Variants in MALRD1 observed in about 807,000 individuals in gnomAD.
MALRD1 encodes MAM and LDL-receptor class A domain-containing protein 1.
Under a neutral mutation model 242.1 loss-of-function variants are expected in MALRD1, and 247 were observed. The observed-to-expected ratio is 1.02, with a 90% CI of 0.92 to 1.13. The LOEUF (loss-of-function observed/expected upper bound fraction) is 1.13. Among genes scored for constraint, MALRD1 ranks in the 50% most tolerant of loss-of-function variants. The probability of loss-of-function intolerance (pLI) is 0.00; values close to 1 mark genes in which losing one functional copy is unlikely to be tolerated. For synonymous variants in MALRD1, 995 were observed against 866.6 expected (o/e 1.15, Z -2.60); for missense variants, 2,989 against 2,533.1 (o/e 1.18, Z -3.86).
chr10:19,638,724 A>G (rs778985798), intron 36 of MALRD1, among the ~76,000 whole-genome samples: 16 of 152,164 alleles, frequency 1.1e-4, no homozygotes, highest in East Asian at 1.9e-4. Flanking sequence ...CATGTATTTT[A>G]GCCTTTGCCC....
intron 38 of MALRD1, among the ~76,000 whole-genome samples, chr10:19,729,744 T>A (rs1226316325): frequency 1.6e-4 from 21 of 127,808 alleles, no homozygotes; most frequent in Non-Finnish European, 2.8e-4. Flanking sequence ...TTTTTTTTTT[T>A]TTTTTTTTTT....
rs1839200822 is a variant in MALRD1, at chr10:19,617,264, G to A, written c.6137+1341G>A. 2.0e-5 allele frequency among the ~76,000 whole-genome samples: 3 copies of A among 151,914 alleles called. No individual in the cohort carries two copies. In the South Asian group the frequency reaches 6.2e-4, roughly 32 times the overall value. ...TGAAGTCTTAAACTTCTCTCAAATG[G>A]GAGAACTCTAAGGTGAGGGAGATGA... On this transcript the variant is annotated intron_variant, in intron 36 of 39. Transcript: ENST00000454679.
chr10:19,204,000 A>G (rs1836668263), intron 15 of MALRD1, 120 bp downstream of exon 15: 1 of 1,200,188 alleles, frequency 8.3e-7, no homozygotes, highest in Non-Finnish European at 1.2e-6. Context: ...ATAGTTGAAT[A>G]TTGTCAATTA....
intron 24 of MALRD1, among the ~76,000 whole-genome samples, chr10:19,343,590 C>T (rs1032177060): frequency 3.9e-5 from 6 of 152,126 alleles, no homozygotes; most frequent in African/African-American, 1.4e-4. Flanking sequence ...TGGAACTCTA[C>T]AGGATGTGAC....
chr10:19,191,752 C>G (rs978754543), intron 14 of MALRD1, among the ~76,000 whole-genome samples: 1 of 152,098 alleles, frequency 6.6e-6, no homozygotes, highest in Admixed American at 6.6e-5. Flanking sequence ...AATCCTAGCA[C>G]TTTGGGAGGC....
At chr10:19,356,823 A>G (rs1460615801) in intron 26 of MALRD1, among the ~76,000 whole-genome samples, 1 of 152,066 alleles carries the variant, frequency 6.6e-6, no homozygotes, top group Non-Finnish European at 1.5e-5. Context: ...ATAAAAATGT[A>G]CCTTGCCAGG....
chr10:19,383,343 G>T (rs1845919200), intron 26 of MALRD1, among the ~76,000 whole-genome samples: 1 of 152,020 alleles, frequency 6.6e-6, no homozygotes, highest in African/African-American at 2.4e-5. Flanking sequence ...TAGGATAATG[G>T]CCTCCAGCTC....
chr10:19,098,301 A>G (rs1256930090), intron 4 of MALRD1, among the ~76,000 whole-genome samples: 1 of 152,208 alleles, frequency 6.6e-6, no homozygotes, highest in African/African-American at 2.4e-5. Flanking sequence ...AAGATACTGA[A>G]GCATTTTTAA....
intron 18 of MALRD1, among the ~76,000 whole-genome samples, chr10:19,211,748 G>A (rs1837081786): frequency 7.0e-6 from 1 of 142,984 alleles, no homozygotes; most frequent in African/African-American, 2.6e-5. Context: ...CTGATTTAAG[G>A]AACAGGATAT....
At chr10:19,227,491 T>C (rs1837848571) in intron 18 of MALRD1, among the ~76,000 whole-genome samples, 1 of 152,052 alleles carries the variant, frequency 6.6e-6, no homozygotes, top group South Asian at 2.1e-4. Context: ...ATTTTATAGA[T>C]AATGTAAATA....
At position 19,508,323 on chromosome 10, in the gene MALRD1, C is replaced by G. The variant is rs77269752; in HGVS notation, c.5320+9677C>G. The stretch of plus-strand genomic sequence containing the variant: ...GAGATCTGACACTTATTAAATGTTT[C>G]CTAAGAGTCAGAAACTGTGAAAAAA... On this transcript the variant is annotated intron_variant, in intron 31 of 39. Coordinates refer to ENST00000454679, the MANE Select transcript of MALRD1 (RefSeq NM_001142308.3). Among the ~76,000 whole-genome samples the G allele has an allele frequency of 5.4e-4, 82 of 152,134 alleles. No individual in the cohort carries two copies. In the East Asian group the frequency reaches 0.012, roughly 22 times the overall value.
chr10:19,635,113 T>G (rs1840071128), intron 36 of MALRD1, among the ~76,000 whole-genome samples: 1 of 152,046 alleles, frequency 6.6e-6, no homozygotes, highest in Non-Finnish European at 1.5e-5. Context: ...ACAGGGACCT[T>G]GAAACAGCAA....
chr10:19,074,330 A>T (rs1835252474), intron 2 of MALRD1, among the ~76,000 whole-genome samples: 1 of 152,170 alleles, frequency 6.6e-6, no homozygotes, highest in Admixed American at 6.6e-5. Flanking sequence ...GTGCTTAATG[A>T]TTCCTTATGT....
In MALRD1 at chr10:19,209,463, G is replaced by C. The variant is rs1836943035; in HGVS notation, c.2774G>C (p.Ser925Thr). 1 of 1,550,748 alleles carries C rather than the reference G, an allele frequency of 6.4e-7. No individual in the cohort carries two copies. The highest frequency in any genetic ancestry group is 1.4e-5 in the African/African-American group (1 of 73,044). Reference sequence around the variant, plus strand: ...TCAGAGCCACAGGCTTTTCAAGACAGTGCTGCCTTACTCAGCCCAATCCTT... The same window carrying C: ...TCAGAGCCACAGGCTTTTCAAGACACTGCTGCCTTACTCAGCCCAATCCTT... ...ESSEPQAFQD[S>T]AALLSPILNA... Residue 925 changes from serine (S) to threonine (T), a missense_variant, in exon 18 of 40, where the codon AGT (serine) becomes ACT (threonine). Coordinates refer to ENST00000454679, the MANE Select transcript of MALRD1 (RefSeq NM_001142308.3).
At chr10:19,390,812 A>G (rs997553048) in intron 28 of MALRD1, among the ~76,000 whole-genome samples, 1 of 152,216 alleles carries the variant, frequency 6.6e-6, no homozygotes, top group African/African-American at 2.4e-5. Flanking sequence ...AATTGACTTT[A>G]TAACTTAGAA....
Position 19,574,960 on chromosome 10 carries a change from C to G in MALRD1, c.5680+7257C>G, listed in dbSNP as rs569971252. Among the ~76,000 whole-genome samples, 11 of 152,240 alleles carry G rather than the reference C, an allele frequency of 7.2e-5. No homozygotes were observed. The South Asian group carries it at 2.3e-3, about 32-fold the overall frequency. On this transcript the variant is annotated intron_variant, in intron 33 of 39. Transcript: ENST00000454679. ...AATTTAAGTTTGCCATTCATTCAGT[C>G]AATACTTGTTGAAAATCTATGTGGT...
At chr10:19,404,678 G>C (rs563796734) in intron 28 of MALRD1, among the ~76,000 whole-genome samples, 1 of 152,148 alleles carries the variant, frequency 6.6e-6, no homozygotes, top group South Asian at 2.1e-4. Flanking sequence ...CTGGGGAAGT[G>C]ATTGTTTTAT....
chr10:19,075,194 A>G (rs948952331), intron 2 of MALRD1, among the ~76,000 whole-genome samples: 1 of 152,082 alleles, frequency 6.6e-6, no homozygotes, highest in Non-Finnish European at 1.5e-5. Flanking sequence ...AAAGAGAATC[A>G]AATTATTGTC....
intron 18 of MALRD1, among the ~76,000 whole-genome samples, chr10:19,232,689 A>G (rs1003135070): frequency 6.6e-6 from 1 of 152,166 alleles, no homozygotes; most frequent in African/African-American, 2.4e-5. Context: ...ATAATTACCT[A>G]AAGAATAGAG....
Sources: allele counts gnomAD v4.1 joint callset (sites outside exome capture counted in the v4.1 genomes callset), GRCh38; gene constraint gnomAD v4.1.1; transcripts MANE v1.5; gene names NCBI Gene and HGNC (gene_info 2026-07-23, HGNC 2026-07-21).